The following ACBD3 variants were observed in gnomAD, a reference collection of about 807,000 sequenced individuals.
ACBD3 encodes the protein Golgi resident protein GCP60.
In ACBD3, 30 loss-of-function variants were observed where a neutral mutation model predicts 66.9. The observed-to-expected ratio is 0.45, with a 90% CI of 0.34 to 0.61. The LOEUF is 0.61. Among genes scored for constraint, ACBD3 ranks in the 20% least tolerant of loss-of-function variants. The probability of loss-of-function intolerance (pLI) is 0.02; values close to 1 mark genes in which losing one functional copy is unlikely to be tolerated. For synonymous variants in ACBD3, 278 were observed against 259.8 expected, an observed-to-expected ratio of 1.07 and a Z score of -0.68; for missense variants, 544 against 664.5, an observed-to-expected ratio of 0.82 and a Z score of 1.99.
chr1:226,173,752 C>CTTTTTTTTTTT, intron 1 of ACBD3, among the ~76,000 whole-genome samples: 1 of 112,972 alleles, frequency 8.9e-6, no homozygotes, highest in Non-Finnish European at 1.8e-5. Flanking sequence ...CTTTTTTTTT[C>CTTTTTTTTTTT]TTTTCTTTTT....
At chr1:226,174,530 C>T (rs1051933740) in intron 1 of ACBD3, among the ~76,000 whole-genome samples, 1 of 152,022 alleles carries the variant, frequency 6.6e-6, no homozygotes, top group Non-Finnish European at 1.5e-5. Flanking sequence ...TTTGGGAGGC[C>T]AGGGCAAGTG....
At position 226,152,514 on chromosome 1, in the gene ACBD3, C is replaced by T. The variant is rs1219717654; in HGVS notation, c.1196G>A (p.Arg399Gln). The T allele has an allele frequency of 3.7e-6, 6 of 1,614,072 alleles. No homozygotes were observed. Among genetic ancestry groups the T allele is most frequent in the African/African-American group, 1.3e-5 (1 of 74,924 alleles). The change falls in exon 7 of 8, where the codon CGA (arginine) becomes CAA (glutamine). Residue 399 changes from arginine to glutamine, a missense_variant. Physicochemically the swap from Arg to Gln is conservative, Grantham distance 43. Coordinates refer to ENST00000366812, the MANE Select transcript of ACBD3 (RefSeq NM_022735.4). ...TACTCGAACAGTGACCACTTCTCCT[C>T]GGCCCACTGTAATCACGGAATCTGC... ...QDADSVITVGRGEVVTVRVPT... is the reference protein window; with the variant it reads ...QDADSVITVGQGEVVTVRVPT...
rs879118973 is a variant in ACBD3 at position 226,145,129 on chromosome 1, A to T, written c.*1481T>A. 3 of 152,520 alleles carry T rather than the reference A, an allele frequency of 2.0e-5. No individual in the cohort carries two copies. Among genetic ancestry groups the T allele is most frequent in the East Asian group, 1.9e-4 (1 of 5,202 alleles). 9.4% of individuals were successfully genotyped at this position (152,520 alleles called of 1,614,324 possible). ...CTGGGACTACTTCTGAATCAAAATTAAAAAACACAAATTAAGCACTGCTTA... is the reference window on the plus strand; with the variant it reads ...CTGGGACTACTTCTGAATCAAAATTTAAAAACACAAATTAAGCACTGCTTA... On this transcript the variant is annotated 3_prime_UTR_variant, in exon 8 of 8. Transcript: ENST00000366812.
chr1:226,147,647 T>C (rs558031601), intron 7 of ACBD3, among the ~76,000 whole-genome samples: 1 of 152,336 alleles, frequency 6.6e-6, no homozygotes, highest in African/African-American at 2.4e-5. Flanking sequence ...AGTAGAGAGA[T>C]AGGCATTCAG....
At position 226,153,114 on chromosome 1, in the gene ACBD3, C is replaced by T. The variant is rs1333970472; in HGVS notation, c.1091-495G>A. ...AAAGGAGCTCAAAGAAACAAAAACT[C>T]GGACAGGATTAGAACCACTAGGGAC... On this transcript the variant is annotated intron_variant, in intron 6 of 7. Coordinates refer to ENST00000366812, the MANE Select transcript of ACBD3 (RefSeq NM_022735.4). Among the ~76,000 whole-genome samples the T allele has an allele frequency of 5.9e-5, 9 of 152,244 alleles. No individual in the cohort carries two copies. The South Asian group carries it at 8.3e-4, about 14-fold the overall frequency.
intron 5 of ACBD3, 40 bp from the exon 6 acceptor site, chr1:226,154,873 G>T: frequency 6.5e-7 from 1 of 1,538,232 alleles, no homozygotes; most frequent in Non-Finnish European, 8.8e-7. Flanking sequence ...TGACCAGGAA[G>T]GCTAGCAAAT....
At chr1:226,179,353 T>C (rs982095022) in intron 1 of ACBD3, among the ~76,000 whole-genome samples, 2 of 152,130 alleles carry the variant, frequency 1.3e-5, no homozygotes, top group Non-Finnish European at 2.9e-5. Flanking sequence ...TTTTTAACCC[T>C]AAAGGATGAT....
intron 1 of ACBD3, among the ~76,000 whole-genome samples, chr1:226,183,169 C>A (rs548871093): frequency 1.3e-5 from 2 of 151,972 alleles, no homozygotes; most frequent in South Asian, 4.2e-4. Context: ...ATGTAATGTT[C>A]TTTCCTTTAT....
At chr1:226,173,621 T>C (rs571134462) in intron 1 of ACBD3, among the ~76,000 whole-genome samples, 7 of 152,180 alleles carry the variant, frequency 4.6e-5, no homozygotes, top group Non-Finnish European at 8.8e-5. Context: ...CTTCACAATC[T>C]ATATTGCTAT....
chr1:226,151,500 G>T (rs550460618), intron 7 of ACBD3, among the ~76,000 whole-genome samples: 1 of 152,224 alleles, frequency 6.6e-6, no homozygotes, highest in South Asian at 2.1e-4. Context: ...ACCCAATTTT[G>T]TCTACTTATT....
At chr1:226,178,026 C>T (rs1248837954) in intron 1 of ACBD3, among the ~76,000 whole-genome samples, 2 of 151,948 alleles carry the variant, frequency 1.3e-5, no homozygotes, top group African/African-American at 2.4e-5. Context: ...GGATTACAGA[C>T]GTGAGCCACT....
intron 1 of ACBD3, among the ~76,000 whole-genome samples, chr1:226,184,722 G>T (rs1656254524): frequency 6.6e-6 from 1 of 151,890 alleles, no homozygotes; most frequent in Non-Finnish European, 1.5e-5. Flanking sequence ...TTTTGAGACA[G>T]AATTTCACTT....
At chr1:226,173,566 C>T (rs1655915641) in intron 1 of ACBD3, among the ~76,000 whole-genome samples, 1 of 151,694 alleles carries the variant, frequency 6.6e-6, no homozygotes, top group African/African-American at 2.4e-5. Flanking sequence ...TCACACAGTA[C>T]TGAAGTTCTA....
At chr1:226,172,201 C>CAAAAAAAAAAAAAAAAAA (rs1558129702) in intron 1 of ACBD3, among the ~76,000 whole-genome samples, 1 of 107,026 alleles carries the variant, frequency 9.3e-6, no homozygotes, top group East Asian at 3.3e-4. Context: ...TAGTCCTGGT[C>CAAAAAAAAAAAAAAAAAA]AGGCAAACAG....
At chr1:226,153,746 A>G (rs1659619902) in intron 6 of ACBD3, among the ~76,000 whole-genome samples, 1 of 152,210 alleles carries the variant, frequency 6.6e-6, no homozygotes, top group Non-Finnish European at 1.5e-5. Context: ...AACATGATAC[A>G]TTAGTCTCAA....
intron 1 of ACBD3, among the ~76,000 whole-genome samples, chr1:226,171,351 G>A (rs1361210521): frequency 6.6e-6 from 1 of 151,976 alleles, no homozygotes; most frequent in Admixed American, 6.6e-5. Flanking sequence ...GTTTTACCAT[G>A]TTGGCCAGGC....
intron 7 of ACBD3, among the ~76,000 whole-genome samples, chr1:226,148,255 A>G (rs2102772400): frequency 6.6e-6 from 1 of 152,360 alleles, no homozygotes; most frequent in South Asian, 2.1e-4. Context: ...TGAGTGCACC[A>G]CAGTACAATG....
At chr1:226,146,943 G>C in intron 7 of ACBD3, 122 bp from the exon 8 acceptor site, 2 of 910,454 alleles carry the variant, frequency 2.2e-6, no homozygotes, top group Non-Finnish European at 3.4e-6. Flanking sequence ...CCAGGATGGA[G>C]TGCAGCGGCG....
At chr1:226,159,640 G>A (rs569664572) in intron 4 of ACBD3, among the ~76,000 whole-genome samples, 36 of 152,186 alleles carry the variant, frequency 2.4e-4, no homozygotes, top group African/African-American at 8.4e-4. Context: ...CATTTATTGT[G>A]CCCTTACTAT....
Sources: gnomAD v4.1 joint callset for allele counts (sites outside exome capture counted in the v4.1 genomes callset) on GRCh38, gnomAD v4.1.1 for gene constraint, MANE v1.5 for transcripts, NCBI Gene and HGNC (gene_info 2026-07-23, HGNC 2026-07-21) for gene names.